The following GLT1D1 variants were observed in gnomAD, a reference collection of about 807,000 sequenced individuals.
GLT1D1 encodes the protein glycosyltransferase 1 domain-containing protein 1.
Under a neutral mutation model 28.7 loss-of-function variants are expected in GLT1D1, and 21 were observed. The observed-to-expected ratio is 0.73, with a 90% CI of 0.52 to 1.05. The LOEUF (loss-of-function observed/expected upper bound fraction) is 1.05, where lower values mean the gene tolerates loss of function less well. GLT1D1 is among the 50% of genes least tolerant of loss of function. GLT1D1 has a pLI of 0.00. For synonymous variants in GLT1D1, 147 were observed against 124.8 expected (o/e 1.18, Z -1.19); for missense variants, 343 against 330.6 (o/e 1.04, Z -0.29).
At chr12:128,892,589 C>T (rs576988006) in intron 3 of GLT1D1, among the ~76,000 whole-genome samples, 16 of 152,038 alleles carry the variant, frequency 1.1e-4, no homozygotes, top group East Asian at 1.9e-4. Flanking sequence ...GGTTATTGAT[C>T]GAGGTTAGTG....
intron 4 of GLT1D1, among the ~76,000 whole-genome samples, chr12:128,911,993 G>T (rs1871586923): frequency 6.6e-6 from 1 of 151,936 alleles, no homozygotes; most frequent in Admixed American, 6.6e-5. Flanking sequence ...TCTGGGGGTG[G>T]TGGAAGCAGT....
At chr12:128,945,257 C>A in intron 4 of GLT1D1, 69 bp from the exon 9 acceptor site, 1 of 1,512,866 alleles carries the variant, frequency 6.6e-7, no homozygotes, top group Non-Finnish European at 9.2e-7. Flanking sequence ...TTGGCCTGGC[C>A]CGTGCTGGCC....
intron 4 of GLT1D1, among the ~76,000 whole-genome samples, chr12:128,921,184 CT>C (rs1872627213): frequency 6.6e-6 from 1 of 151,392 alleles, no homozygotes; most frequent in Non-Finnish European, 1.5e-5. Context: ...AATGCTGTCT[CT>C]TTCTTTTAGT....
chr12:128,901,976 A>G (rs1359436579), intron 4 of GLT1D1, among the ~76,000 whole-genome samples: 1 of 151,746 alleles, frequency 6.6e-6, no homozygotes, highest in South Asian at 2.1e-4. Context: ...CAGTTTCCCA[A>G]TATCTGAAGG....
intron 4 of GLT1D1, among the ~76,000 whole-genome samples, chr12:128,925,132 A>ATAC (rs2135913605): frequency 6.6e-6 from 1 of 151,674 alleles, no homozygotes; most frequent in Non-Finnish European, 1.5e-5. Flanking sequence ...TGGTATCTGT[A>ATAC]TACATTTTCC....
intron 1 of GLT1D1, among the ~76,000 whole-genome samples, chr12:128,870,270 C>A (rs112417661): frequency 0.027 from 4,160 of 152,122 alleles, 191 homozygotes; most frequent in African/African-American, 0.094. Context: ...TGTCTCAAAA[C>A]AACAACAACA....
intron 4 of GLT1D1, chr12:128,906,829 G>A: frequency 1.5e-6 from 1 of 675,608 alleles, no homozygotes; most frequent in Non-Finnish European, 2.7e-6. Flanking sequence ...TCAAGTTGCT[G>A]TGTTAGGCAA....
chr12:128,879,362 CTTAT>C lies in GLT1D1; in HGVS notation c.217+3302_217+3305del, dbSNP rs1186190994. On this transcript the variant is annotated intron_variant, in intron 2 of 7. Coordinates refer to ENST00000281703, the MANE Select transcript of GLT1D1 (RefSeq NM_144669.3). ...TTGTGTCATTTTCTGTAAAGTGATA[CTTAT>C]TATTTTTTTCTTTTTCTTTCTTTCT... Among the ~76,000 whole-genome samples the C allele has an allele frequency of 1.0e-3, 144 of 140,550 alleles. 4 individuals are homozygous for C. The highest frequency in any genetic ancestry group is 4.0e-3 in the African/African-American group (140 of 35,230). The allele number at this position is 140,550 out of a possible 152,430, so 92.2% of individuals were successfully genotyped here. A position where few individuals can be genotyped will look rare whatever the true frequency, so the allele number is the denominator to read the frequency against.
rs1397753313 is a variant in GLT1D1, at chr12:128,853,580, G to T, written c.-2G>T. 3.6e-6 allele frequency: 4 copies of T among 1,126,616 alleles called. No individual in the cohort carries two copies. The African/African-American group carries it at 5.0e-5, about 14-fold the overall frequency. 69.8% of individuals were successfully genotyped at this position (1,126,616 alleles called of 1,614,324 possible). Reference sequence around the variant, plus strand: ...GTCGATGGCCCGGGCGGCGGCGGCGGCATGCGGCTCCTGTTCCTGGCGGTG... The same window carrying T: ...GTCGATGGCCCGGGCGGCGGCGGCGTCATGCGGCTCCTGTTCCTGGCGGTG... On this transcript the variant is annotated 5_prime_UTR_variant, in exon 1 of 8. Coordinates refer to ENST00000281703, the MANE Select transcript of GLT1D1 (RefSeq NM_144669.3).
intron 3 of GLT1D1, among the ~76,000 whole-genome samples, chr12:128,897,468 T>C (rs1006172454): frequency 6.6e-6 from 1 of 152,204 alleles, no homozygotes; most frequent in African/African-American, 2.4e-5. Context: ...TATCCAATAA[T>C]GTCATAGCTT....
intron 7 of GLT1D1, among the ~76,000 whole-genome samples, chr12:128,961,078 C>T (rs1008940199): frequency 6.6e-6 from 1 of 152,176 alleles, no homozygotes; most frequent in Non-Finnish European, 1.5e-5. Flanking sequence ...ATGTGGGTGA[C>T]TGTTAAAGGG....
chr12:128,955,107 T>C (rs1000400940), intron 6 of GLT1D1, among the ~76,000 whole-genome samples: 5 of 152,224 alleles, frequency 3.3e-5, no homozygotes, highest in Admixed American at 3.3e-4. Context: ...ATGGTACAAC[T>C]AGTATCTAGT....
At chr12:128,891,039 G>A (rs1252541563) in intron 3 of GLT1D1, among the ~76,000 whole-genome samples, 1 of 151,198 alleles carries the variant, frequency 6.6e-6, no homozygotes, top group African/African-American at 2.4e-5. Flanking sequence ...AACCCGGGAG[G>A]TGTTGGTTGC....
rs138457706 is a variant in GLT1D1 at position 128,874,480 on chromosome 12, CTTT to C, written c.69-1416_69-1414del. 9.4e-5 allele frequency among the ~76,000 whole-genome samples: 10 copies of C among 106,760 alleles called. No homozygotes were observed. The South Asian group carries it at 1.1e-3, about 12-fold the overall frequency. 70.0% of individuals were successfully genotyped at this position (106,760 alleles called of 152,430 possible). ...TACAGGCTTGAGCCACTGTGGCTGG[CTTT>C]TTTTTTTTTTTTTTTTTGAGACAGG... On this transcript the variant is annotated intron_variant, in intron 1 of 7. Transcript: ENST00000281703.
At chr12:128,951,339 G>C (rs1332576281) in intron 6 of GLT1D1, among the ~76,000 whole-genome samples, 1 of 152,168 alleles carries the variant, frequency 6.6e-6, no homozygotes, top group Non-Finnish European at 1.5e-5. Flanking sequence ...GTAGGCGAAG[G>C]TTGCAGTAAA....
intron 3 of GLT1D1, among the ~76,000 whole-genome samples, chr12:128,896,457 G>A (rs1869633745): frequency 6.6e-6 from 1 of 151,608 alleles, no homozygotes; most frequent in African/African-American, 2.4e-5. Flanking sequence ...TGTACTTCAT[G>A]CGTGCTTTAA....
At chr12:128,896,575 C>CTTTTT (rs60875245) in intron 3 of GLT1D1, among the ~76,000 whole-genome samples, 10 of 105,104 alleles carry the variant, frequency 9.5e-5, no homozygotes, top group Admixed American at 3.4e-4. Flanking sequence ...ATGACACATA[C>CTTTTT]TTTTTTTTTT....
intron 1 of GLT1D1, among the ~76,000 whole-genome samples, chr12:128,871,945 T>A (rs1956698792): frequency 1.3e-5 from 2 of 152,188 alleles, no homozygotes; most frequent in Admixed American, 6.5e-5. Flanking sequence ...ATTTATTTTT[T>A]ATTTTTATTT....
intron 7 of GLT1D1, among the ~76,000 whole-genome samples, chr12:128,979,894 T>A (rs1452946541): frequency 1.3e-5 from 2 of 152,246 alleles, no homozygotes. Flanking sequence ...TGTATTACAG[T>A]ACGGTTTTGC....
Sources: allele counts gnomAD v4.1 joint callset (sites outside exome capture counted in the v4.1 genomes callset), GRCh38; gene constraint gnomAD v4.1.1; transcripts MANE v1.5; gene names NCBI Gene and HGNC (gene_info 2026-07-23, HGNC 2026-07-21).